The following NALCN variants were observed in gnomAD, a reference collection of about 807,000 sequenced individuals.
The protein encoded by NALCN is sodium leak channel, non-selective, also known as sodium leak channel NALCN.
A neutral mutation model predicts 225.3 loss-of-function variants in NALCN; 111 were observed. That is an observed-to-expected ratio of 0.49 (90% CI 0.42 to 0.58). The LOEUF (loss-of-function observed/expected upper bound fraction) is 0.58. NALCN is among the 20% of genes least tolerant of loss of function. NALCN has a pLI of 0.00. For missense variants in NALCN, 1,378 were observed against 2,202.4 expected (o/e 0.63, Z 7.49); for synonymous variants, 764 against 769.0 (o/e 0.99, Z 0.11).
chr13:101,172,480 G>A (rs1039897227), intron 15 of NALCN, among the ~76,000 whole-genome samples: 3 of 152,074 alleles, frequency 2.0e-5, no homozygotes, highest in Non-Finnish European at 4.4e-5. Flanking sequence ...CTTAAGGGCG[G>A]CCTCTCCTCT....
chr13:101,081,439 T>G, intron 34 of NALCN, 88 bp downstream of exon 34: 2 of 1,578,936 alleles, frequency 1.3e-6, no homozygotes, highest in Non-Finnish European at 8.6e-7. Flanking sequence ...CAGGTTGATG[T>G]GGAGTAAAAT....
At chr13:101,404,173 G>A (rs970766302) in intron 1 of NALCN, among the ~76,000 whole-genome samples, 1 of 152,048 alleles carries the variant, frequency 6.6e-6, no homozygotes, top group African/African-American at 2.4e-5. Context: ...TCCATCTAGT[G>A]GTTTTCTTAT....
At chr13:101,163,027 A>G (rs144948848) in intron 15 of NALCN, among the ~76,000 whole-genome samples, 2,541 of 152,118 alleles carry the variant, frequency 0.017, 69 homozygotes, top group African/African-American at 0.056. Flanking sequence ...TCAGTCTCCC[A>G]AGTAGCTAGG....
In NALCN at chr13:101,271,787, CTG is replaced by C. The variant is rs368663741; in HGVS notation, c.1134+12144_1134+12145del. Among the ~76,000 whole-genome samples, 11 of 150,100 alleles carry C rather than the reference CTG, an allele frequency of 7.3e-5. No homozygotes were observed. In the East Asian group the frequency reaches 1.2e-3, roughly 16 times the overall value. ...TGTGTATAAGCGTGTGTATGCATGT[CTG>C]TGTGCATGCATGTGTGTGTGTGTCA... On this transcript the variant is annotated intron_variant, in intron 10 of 43. Transcript: ENST00000251127.
intron 10 of NALCN, among the ~76,000 whole-genome samples, chr13:101,275,691 A>T (rs1029577913): frequency 6.6e-6 from 1 of 152,144 alleles, no homozygotes; most frequent in Admixed American, 6.5e-5. Flanking sequence ...TGAGGAGGTC[A>T]TGTTGGGAGA....
At chr13:101,263,408 C>A (rs1489589129) in intron 10 of NALCN, among the ~76,000 whole-genome samples, 1 of 152,088 alleles carries the variant, frequency 6.6e-6, no homozygotes, top group African/African-American at 2.4e-5. Flanking sequence ...ACTATTATTC[C>A]TTTTCTATAC....
At position 101,311,573 on chromosome 13, in the gene NALCN, C is replaced by T. The variant is rs1459209414; in HGVS notation, c.800-19207G>A. Among the ~76,000 whole-genome samples the T allele has an allele frequency of 2.4e-3, 372 of 151,936 alleles. 4 individuals carry two copies. The highest frequency in any genetic ancestry group is 8.3e-3 in the African/African-American group (343 of 41,426). The stretch of plus-strand genomic sequence containing the variant: ...TATTGAGAGTTTTTAGCATGAAGGG[C>T]TGTTGAATTTTGTCAAAGGCCTTTT... On this transcript the variant is annotated intron_variant, in intron 7 of 43. Coordinates refer to ENST00000251127, the MANE Select transcript of NALCN (RefSeq NM_052867.4).
At chr13:101,161,256 C>A (rs749164852) in intron 15 of NALCN, among the ~76,000 whole-genome samples, 1 of 152,220 alleles carries the variant, frequency 6.6e-6, no homozygotes, top group Non-Finnish European at 1.5e-5. Flanking sequence ...CCCCTGAACT[C>A]CAGACCTATA....
At chr13:101,307,019 T>C (rs1320129546) in intron 7 of NALCN, among the ~76,000 whole-genome samples, 1 of 152,204 alleles carries the variant, frequency 6.6e-6, no homozygotes, top group Non-Finnish European at 1.5e-5. Context: ...TTGAAGTTCA[T>C]GTTGTTGCAT....
chr13:101,161,411 T>G (rs1441653263), intron 15 of NALCN, among the ~76,000 whole-genome samples: 1 of 152,228 alleles, frequency 6.6e-6, no homozygotes, highest in Non-Finnish European at 1.5e-5. Flanking sequence ...TTCATGCAAC[T>G]GTAGAAACCT....
chr13:101,250,597 T>C (rs2042034137), intron 11 of NALCN, among the ~76,000 whole-genome samples: 1 of 151,988 alleles, frequency 6.6e-6, no homozygotes, highest in Admixed American at 6.6e-5. Flanking sequence ...ATTCCAAATG[T>C]ATTGGAGTCT....
At chr13:101,333,205 T>A (rs1459030251) in intron 7 of NALCN, among the ~76,000 whole-genome samples, 1 of 152,178 alleles carries the variant, frequency 6.6e-6, no homozygotes, top group East Asian at 1.9e-4. Context: ...TACCTAAAAA[T>A]AAAGCTGATC....
intron 17 of NALCN, among the ~76,000 whole-genome samples, chr13:101,128,686 T>A (rs1173875780): frequency 6.6e-6 from 1 of 152,034 alleles, no homozygotes; most frequent in Non-Finnish European, 1.5e-5. Flanking sequence ...GCCTTCTGAG[T>A]AGCTGGGACT....
At chr13:101,181,072 G>A in intron 14 of NALCN, 1 of 518,678 alleles carries the variant, frequency 1.9e-6, no homozygotes, top group Non-Finnish European at 3.9e-6. Flanking sequence ...ACATGGGCCA[G>A]GGGGGCACTT....
intron 35 of NALCN, among the ~76,000 whole-genome samples, chr13:101,075,217 C>A (rs1401136772): frequency 6.6e-6 from 1 of 151,836 alleles, no homozygotes; most frequent in African/African-American, 2.4e-5. Flanking sequence ...GTGGAATATA[C>A]CCATGGACAT....
At chr13:101,124,904 T>C (rs1594257262) in intron 17 of NALCN, among the ~76,000 whole-genome samples, 1 of 152,216 alleles carries the variant, frequency 6.6e-6, no homozygotes, top group Non-Finnish European at 1.5e-5. Flanking sequence ...GCATTGGCTG[T>C]GCCTCACTCT....
chr13:101,290,581 G>T (rs948558600), intron 9 of NALCN, among the ~76,000 whole-genome samples: 1 of 152,156 alleles, frequency 6.6e-6, no homozygotes, highest in African/African-American at 2.4e-5. Flanking sequence ...TTGAACAGTT[G>T]TTTGTAAAAA....
intron 28 of NALCN, among the ~76,000 whole-genome samples, chr13:101,093,254 G>A (rs1012169274): frequency 3.9e-5 from 6 of 152,178 alleles, no homozygotes; most frequent in African/African-American, 1.4e-4. Context: ...AAACTAGACT[G>A]TCTCCTGAAT....
At chr13:101,311,479 T>C (rs1479499128) in intron 7 of NALCN, among the ~76,000 whole-genome samples, 1 of 149,324 alleles carries the variant, frequency 6.7e-6, no homozygotes, top group Admixed American at 6.7e-5. Context: ...CCATTCAGTA[T>C]GATATTGGCT....
Sources: allele counts gnomAD v4.1 joint callset (sites outside exome capture counted in the v4.1 genomes callset), GRCh38; gene constraint gnomAD v4.1.1; transcripts MANE v1.5; gene names NCBI Gene and HGNC (gene_info 2026-07-23, HGNC 2026-07-21).